The following OGDHL variants were observed in gnomAD, a reference collection of about 807,000 sequenced individuals.
OGDHL encodes oxoglutarate dehydrogenase L, also known as 2-oxoglutarate dehydrogenase-like, mitochondrial.
A neutral mutation model predicts 109.6 loss-of-function variants in OGDHL; 79 were observed. That is an observed-to-expected ratio of 0.72 (90% CI 0.60 to 0.87). OGDHL has a LOEUF of 0.87. Among genes scored for constraint, OGDHL ranks in the 40% least tolerant of loss-of-function variants. OGDHL has a pLI of 0.00. For synonymous variants in OGDHL, 528 were observed against 537.2 expected, an observed-to-expected ratio of 0.98 and a Z score of 0.24; for missense variants, 1,275 against 1,362.2, an observed-to-expected ratio of 0.94 and a Z score of 1.01.
Position 49,750,965 on chromosome 10 carries a change from C to T in OGDHL, c.770G>A (p.Arg257Gln), listed in dbSNP as rs754809330. The T allele has an allele frequency of 5.7e-5, 91 of 1,606,210 alleles. No homozygotes were observed. Among genetic ancestry groups the T allele is most frequent in the Admixed American group, 2.9e-4 (17 of 59,524 alleles). The change falls in exon 7 of 23, where the codon CGG (arginine) becomes CAG (glutamine). Residue 257 changes from arginine to glutamine, a missense_variant. By Grantham distance (43) the Arg-to-Gln change is conservative. Transcript: ENST00000374103. ...AAACCGCTTCTCTGAGGACCATTTCCGGGCCAGGAAGTCTTCAAACCTGCT... is the reference window on the plus strand; with the variant it reads ...AAACCGCTTCTCTGAGGACCATTTCTGGGCCAGGAAGTCTTCAAACCTGCT... ...RSMRFEDFLARKWSSEKRFGL... is the reference protein window; with the variant it reads ...RSMRFEDFLAQKWSSEKRFGL...
intron 12 of OGDHL, among the ~76,000 whole-genome samples, chr10:49,745,140 A>G (rs567400003): frequency 2.0e-5 from 3 of 152,350 alleles, no homozygotes; most frequent in South Asian, 4.1e-4. Context: ...CCCACATTGC[A>G]GTACCCACTG....
intron 1 of OGDHL, among the ~76,000 whole-genome samples, chr10:49,758,834 C>T (rs567723497): frequency 1.5e-3 from 233 of 152,290 alleles, no homozygotes; most frequent in Non-Finnish European, 2.3e-3. Flanking sequence ...CCCAGCCCTG[C>T]TGTGCCACAC....
intron 1 of OGDHL, among the ~76,000 whole-genome samples, chr10:49,760,552 T>C (rs757007949): frequency 1.3e-5 from 2 of 152,154 alleles, no homozygotes; most frequent in Non-Finnish European, 1.5e-5. Context: ...CGCTTTATCA[T>C]CCCCAGTCTA....
At chr10:49,747,750 C>A (rs1197269084) in intron 8 of OGDHL, among the ~76,000 whole-genome samples, 1 of 152,196 alleles carries the variant, frequency 6.6e-6, no homozygotes, top group African/African-American at 2.4e-5. Flanking sequence ...GGAAACAAAT[C>A]AAGCTGAGAA....
At chr10:49,735,419 C>T (rs1447127873) in intron 22 of OGDHL, 68 bp from the exon 23 acceptor site, 17 of 1,568,634 alleles carry the variant, frequency 1.1e-5, no homozygotes, top group South Asian at 4.8e-5. Context: ...GCCCTCACTC[C>T]GGGACTGCAG....
At position 49,736,007 on chromosome 10, in the gene OGDHL, C is replaced by T. The variant is rs545203918; in HGVS notation, c.2909+16G>A. 1.2e-4 allele frequency: 179 copies of T among 1,544,040 alleles called. 2 individuals are homozygous for T. The South Asian group carries it at 1.5e-3, about 13-fold the overall frequency. On this transcript the variant is annotated intron_variant, in intron 22 of 22. Transcript: ENST00000374103. Reference sequence around the variant, plus strand: ...CAGGGCCGAGGTGAGGGGCAATCAGCGGCCCCACCATGTACCATATGGGCC... The same window carrying T: ...CAGGGCCGAGGTGAGGGGCAATCAGTGGCCCCACCATGTACCATATGGGCC...
Position 49,739,754 on chromosome 10 carries a change from C to G in OGDHL, c.2226G>C (p.Gln742His). ...AQFGDFHNTAQCIIDQFISTG... is the reference protein window; with the variant it reads ...AQFGDFHNTAHCIIDQFISTG... Reference sequence around the variant, plus strand: ...TGCTGATGAACTGGTCGATGATGCACTGGGCCGTGTTGTGGAAGTCCCCAA... The same window carrying G: ...TGCTGATGAACTGGTCGATGATGCAGTGGGCCGTGTTGTGGAAGTCCCCAA... Residue 742 changes from glutamine to histidine, a missense_variant, in exon 17 of 23, where the codon CAG (glutamine) becomes CAC (histidine). Transcript: ENST00000374103. 6.2e-7 allele frequency: 1 copy of G among 1,614,194 alleles called. No homozygotes were observed. Among genetic ancestry groups the G allele is most frequent in the African/African-American group, 1.3e-5 (1 of 75,066 alleles).
At chr10:49,748,792 A>C (rs1219103388) in intron 8 of OGDHL, among the ~76,000 whole-genome samples, 2 of 148,880 alleles carry the variant, frequency 1.3e-5, no homozygotes, top group African/African-American at 5.0e-5. Flanking sequence ...ACACGGCAGC[A>C]GGCTGGAGAC....
chr10:49,744,091 G>A lies in OGDHL; in HGVS notation c.1764C>T (p.Ser588=). ...GFFNVDGEPK[S]MTCPATGIPE... ...GGATCCCCGTGGCTGGGCATGTCAT[G>A]CTCTTGGGCTCCCCATCTACGTTGA... The change falls in exon 14 of 23, where the codon AGC becomes AGT. Residue 588 remains serine (S), a synonymous_variant. Coordinates refer to ENST00000374103, the MANE Select transcript of OGDHL (RefSeq NM_018245.3). 6.2e-7 allele frequency: 1 copy of A among 1,613,942 alleles called. No individual in the cohort carries two copies. Among genetic ancestry groups the A allele is most frequent in the Non-Finnish European group, 8.5e-7 (1 of 1,179,892 alleles).
chr10:49,746,062 G>T, intron 10 of OGDHL, 85 bp from the exon 11 acceptor site: 2 of 1,439,722 alleles, frequency 1.4e-6, no homozygotes, highest in South Asian at 2.6e-5. Flanking sequence ...TGAGCAGGGG[G>T]ATGCTCAAGG....
At chr10:49,740,883 G>C (rs778961475) in intron 15 of OGDHL, 46 bp from the exon 16 acceptor site, 3 of 1,609,524 alleles carry the variant, frequency 1.9e-6, no homozygotes, top group East Asian at 2.2e-5. Context: ...AGGTGGGCTG[G>C]CACCTGTTCA....
intron 16 of OGDHL, 137 bp downstream of exon 16, chr10:49,740,573 C>T (rs1443030515): frequency 2.7e-6 from 3 of 1,097,086 alleles, no homozygotes; most frequent in Non-Finnish European, 2.5e-6. Flanking sequence ...GCCCAATCAC[C>T]ATCCCCCAGG....
At position 49,760,593 on chromosome 10, in the gene OGDHL, G is replaced by A. The variant is rs74584919; in HGVS notation, c.-2+1646C>T. On this transcript the variant is annotated intron_variant, in intron 1 of 22. Coordinates refer to ENST00000374103, the MANE Select transcript of OGDHL (RefSeq NM_018245.3). The stretch of plus-strand genomic sequence containing the variant: ...AAGGAAACTAGATATCAAGACCATC[G>A]TCATGGGAATAAACATAATAGGCAC... Among the ~76,000 whole-genome samples, 689 of 152,366 alleles carry A rather than the reference G, an allele frequency of 4.5e-3. 3 individuals carry two copies. Among genetic ancestry groups the A allele is most frequent in the Non-Finnish European group, 7.3e-3 (495 of 68,044 alleles).
intron 3 of OGDHL, among the ~76,000 whole-genome samples, chr10:49,755,496 G>A (rs2133089556): frequency 6.6e-6 from 1 of 152,304 alleles, no homozygotes; most frequent in Middle Eastern, 3.4e-3. Flanking sequence ...ATTGATGGGT[G>A]GTGGGCTCAC....
chr10:49,745,722 T>A, intron 11 of OGDHL, 76 bp downstream of exon 11: 4 of 1,530,528 alleles, frequency 2.6e-6, no homozygotes, highest in Non-Finnish European at 3.6e-6. Context: ...GTGCTGAAGA[T>A]GCTGATGACA....
At chr10:49,758,358 C>T (rs200367635) in intron 2 of OGDHL, 31 bp downstream of exon 2, 23 of 1,581,020 alleles carry the variant, frequency 1.5e-5, no homozygotes, top group East Asian at 9.0e-5. Flanking sequence ...CCCTCCCTTG[C>T]GGTGGCCCAG....
chr10:49,749,620 T>C, intron 8 of OGDHL, 106 bp downstream of exon 8: 1 of 958,204 alleles, frequency 1.0e-6, no homozygotes, highest in Non-Finnish European at 1.5e-6. Flanking sequence ...AATGCATCCA[T>C]CTTAAGGTTT....
chr10:49,741,810 CCACA>C (rs749240568), intron 15 of OGDHL, among the ~76,000 whole-genome samples: 4 of 144,962 alleles, frequency 2.8e-5, no homozygotes, highest in Admixed American at 6.8e-5. Flanking sequence ...GCAAAACACA[CCACA>C]CACATATACA....
In OGDHL at chr10:49,734,881, G is replaced by GC; in HGVS notation, c.*346dup. The GC allele has an allele frequency of 5.5e-6, 1 of 183,376 alleles. No individual in the cohort carries two copies. Among genetic ancestry groups the GC allele is most frequent in the Non-Finnish European group, 1.1e-5 (1 of 88,892 alleles). The allele number at this position is 183,376 out of a possible 1,614,324, so 11.4% of individuals were successfully genotyped here. ...CAGATAAGCGAGGGTGGGGCGAGCAGCAGCCAGGGCTGCCGGGATGGGAGC... is the reference window on the plus strand; with the variant it reads ...CAGATAAGCGAGGGTGGGGCGAGCAGCCAGCCAGGGCTGCCGGGATGGGAGC... On this transcript the variant is annotated 3_prime_UTR_variant, in exon 23 of 23. Transcript: ENST00000374103.
Sources: gnomAD v4.1 joint callset for allele counts (sites outside exome capture counted in the v4.1 genomes callset) on GRCh38, gnomAD v4.1.1 for gene constraint, MANE v1.5 for transcripts, NCBI Gene and HGNC (gene_info 2026-07-23, HGNC 2026-07-21) for gene names.